The following NCALD variants were observed in gnomAD, a reference collection of about 807,000 sequenced individuals.
The protein encoded by NCALD is neurocalcin delta, also known as neurocalcin-delta.
Under a neutral mutation model 18.6 loss-of-function variants are expected in NCALD, and 10 were observed. That is an observed-to-expected ratio of 0.54 (90% CI 0.33 to 0.91). NCALD has a LOEUF of 0.91. Among genes scored for constraint, NCALD ranks in the 40% least tolerant of loss-of-function variants. The pLI is 0.03. For missense variants in NCALD, 184 were observed against 247.6 expected, an observed-to-expected ratio of 0.74 and a Z score of 1.72; for synonymous variants, 88 against 87.4, an observed-to-expected ratio of 1.01 and a Z score of -0.04.
rs193212822 is a variant in NCALD, at chr8:102,038,433, C to A, written c.-209-18144G>T. Reference sequence around the variant, plus strand: ...CTTGCAGAGTCTATGAGAAACACAGCGAACCTGTAAGCCAGCAAGGATGCT... The same window carrying A: ...CTTGCAGAGTCTATGAGAAACACAGAGAACCTGTAAGCCAGCAAGGATGCT... On this transcript the variant is annotated intron_variant, in intron 1 of 6. Transcript: ENST00000311028. Among the ~76,000 whole-genome samples, 26 of 152,250 alleles carry A rather than the reference C, an allele frequency of 1.7e-4. No homozygotes were observed. In the East Asian group the frequency reaches 4.8e-3, roughly 28 times the overall value.
intron 2 of NCALD, among the ~76,000 whole-genome samples, chr8:101,708,273 G>T (rs570732113): frequency 6.6e-6 from 1 of 152,278 alleles, no homozygotes; most frequent in East Asian, 1.9e-4. Context: ...GTTCCCAGAG[G>T]GGCTGATCTC....
At chr8:101,833,454 G>A (rs143094602) in intron 4 of NCALD, among the ~76,000 whole-genome samples, 268 of 152,254 alleles carry the variant, frequency 1.8e-3, no homozygotes, top group Admixed American at 5.5e-3. Flanking sequence ...TTGAAGTCTC[G>A]TAACAATAAC....
At chr8:101,960,125 G>T (rs1819784093) in intron 2 of NCALD, among the ~76,000 whole-genome samples, 1 of 152,106 alleles carries the variant, frequency 6.6e-6, no homozygotes, top group South Asian at 2.1e-4. Context: ...CAGGCTTGCA[G>T]GAAAGGACAC....
At chr8:102,112,745 T>TA (rs2132456619) in intron 1 of NCALD, among the ~76,000 whole-genome samples, 1 of 152,252 alleles carries the variant, frequency 6.6e-6, no homozygotes, top group Non-Finnish European at 1.5e-5. Flanking sequence ...GCCTCATGAA[T>TA]AGATTAATGC....
At chr8:102,041,096 A>C (rs1823034726) in intron 1 of NCALD, among the ~76,000 whole-genome samples, 1 of 152,196 alleles carries the variant, frequency 6.6e-6, no homozygotes, top group Non-Finnish European at 1.5e-5. Flanking sequence ...AACAACTCTT[A>C]CTGGTAGGAG....
At chr8:101,838,120 C>T (rs1240860064) in intron 4 of NCALD, among the ~76,000 whole-genome samples, 1 of 152,180 alleles carries the variant, frequency 6.6e-6, no homozygotes, top group Non-Finnish European at 1.5e-5. Flanking sequence ...GTTGTGACAA[C>T]AACCTGATTC....
intron 2 of NCALD, among the ~76,000 whole-genome samples, chr8:101,944,749 A>G (rs974723255): frequency 6.6e-6 from 1 of 152,042 alleles, no homozygotes; most frequent in Non-Finnish European, 1.5e-5. Context: ...CTCTTTAACT[A>G]TGGCTCCCAT....
chr8:101,841,199 T>A (rs930615495), intron 4 of NCALD, among the ~76,000 whole-genome samples: 1 of 152,232 alleles, frequency 6.6e-6, no homozygotes, highest in African/African-American at 2.4e-5. Context: ...CAGACAGTTG[T>A]AGACTGAGGG....
In NCALD at chr8:101,719,316, A is replaced by G; in HGVS notation, c.314T>C (p.Phe105Ser). The G allele has an allele frequency of 1.9e-6, 3 of 1,614,172 alleles. No individual in the cohort carries two copies. Among genetic ancestry groups the G allele is most frequent in the Non-Finnish European group, 2.5e-6 (3 of 1,180,036 alleles). ...ATTTCCGTCCAGGTCGTACATGCTG[A>G]AGGCCCATTTCAGCTTCTGCTCCAG... is the stretch of plus-strand genomic sequence containing the variant. ...GKLEQKLKWA[F>S]SMYDLDGNGY... The change falls in exon 2 of 4, where the codon TTC (phenylalanine) becomes TCC (serine). Residue 105 changes from phenylalanine to serine, a missense_variant. Coordinates refer to ENST00000220931, the MANE Select transcript of NCALD (RefSeq NM_032041.3).
intron 2 of NCALD, among the ~76,000 whole-genome samples, chr8:101,946,374 GA>G (rs1263242732): frequency 6.6e-6 from 1 of 152,130 alleles, no homozygotes; most frequent in Non-Finnish European, 1.5e-5. Context: ...AGGCAAGTAA[GA>G]AACCAATTGC....
chr8:101,979,834 T>C (rs1332233205), intron 2 of NCALD, among the ~76,000 whole-genome samples: 3 of 152,222 alleles, frequency 2.0e-5, no homozygotes, highest in African/African-American at 7.2e-5. Flanking sequence ...TCGGTCATTC[T>C]GGCAACTAAC....
At chr8:101,712,587 C>CAAAGAA (rs1815852087) in intron 2 of NCALD, among the ~76,000 whole-genome samples, 1 of 78,908 alleles carries the variant, frequency 1.3e-5, no homozygotes, top group Non-Finnish European at 2.5e-5. Flanking sequence ...AAATGGAAAG[C>CAAAGAA]AAAAAAAAAA....
At chr8:101,769,261 T>C (rs939933192) in intron 1 of NCALD, among the ~76,000 whole-genome samples, 7 of 152,210 alleles carry the variant, frequency 4.6e-5, no homozygotes, top group African/African-American at 1.7e-4. Flanking sequence ...TAATACAATG[T>C]CTACTTCTTG....
At chr8:101,825,314 T>C (rs2226724) in intron 4 of NCALD, among the ~76,000 whole-genome samples, 122,615 of 152,244 alleles carry the variant, frequency 0.81, 49,546 homozygotes, top group African/African-American at 0.85. Context: ...GTCTGGAAGG[T>C]CTGTCCTTCA....
chr8:101,907,046 T>C (rs1817633522), intron 3 of NCALD, among the ~76,000 whole-genome samples: 1 of 152,266 alleles, frequency 6.6e-6, no homozygotes, highest in South Asian at 2.1e-4. Context: ...AGCAATGTTA[T>C]TGATCCTATT....
At chr8:101,775,518 G>T (rs1003411253) in intron 1 of NCALD, among the ~76,000 whole-genome samples, 2 of 152,180 alleles carry the variant, frequency 1.3e-5, no homozygotes, top group African/African-American at 4.8e-5. Context: ...TTAGGAATCT[G>T]CCTCTTTCAA....
chr8:101,795,638 G>A (rs1812610899), upstream of NCALD, among the ~76,000 whole-genome samples: 3 of 152,138 alleles, frequency 2.0e-5, no homozygotes, highest in Admixed American at 6.5e-5. Context: ...TGTGGGTTAG[G>A]GTTTCAACAT....
intron 1 of NCALD, among the ~76,000 whole-genome samples, chr8:101,751,344 C>T (rs1286782601): frequency 5.9e-5 from 9 of 151,874 alleles, no homozygotes; most frequent in African/African-American, 7.3e-5. Context: ...GATGTCGGGG[C>T]GTGGGGAAGG....
In NCALD at chr8:101,947,116, C is replaced by T. The variant is rs566078390; in HGVS notation, c.-156-31258G>A. ...TGGAACATGGCTTTATCAGCACAAT[C>T]CTGAAGACAAAGCACAATCAAAGCA... On this transcript the variant is annotated intron_variant, in intron 2 of 6. Transcript: ENST00000311028. 1.7e-4 allele frequency among the ~76,000 whole-genome samples: 26 copies of T among 152,194 alleles called. 1 individual carries two copies. The South Asian group carries it at 4.1e-3, about 24-fold the overall frequency.
Sources: allele counts gnomAD v4.1 joint callset (sites outside exome capture counted in the v4.1 genomes callset), GRCh38; gene constraint gnomAD v4.1.1; transcripts MANE v1.5; gene names NCBI Gene and HGNC (gene_info 2026-07-23, HGNC 2026-07-21).